Variants in AGTPBP1 observed in about 807,000 individuals in gnomAD.
AGTPBP1 encodes the protein ATP/GTP binding carboxypeptidase 1.
In AGTPBP1, 70 loss-of-function variants were observed where a neutral mutation model predicts 143.9. That is an observed-to-expected ratio of 0.49 (90% CI 0.40 to 0.59). The LOEUF is 0.59. Ranked by LOEUF, AGTPBP1 falls within the 20% of genes least tolerant of loss-of-function variation. AGTPBP1 has a pLI of 0.00. For missense variants in AGTPBP1, 1,229 were observed against 1,464.5 expected, an observed-to-expected ratio of 0.84 and a Z score of 2.62; for synonymous variants, 463 against 500.2, an observed-to-expected ratio of 0.93 and a Z score of 0.99.
the AGTPBP1 span, among the ~76,000 whole-genome samples, chr9:85,772,583 C>T: frequency 1.3e-4 from 20 of 152,004 alleles, no homozygotes; most frequent in African/African-American, 3.1e-4. Flanking sequence ...CCTGTCTCTA[C>T]GAAAAAATTT....
upstream of AGTPBP1, among the ~76,000 whole-genome samples, chr9:85,744,557 G>A (rs1588024338): frequency 6.6e-6 from 1 of 152,272 alleles, no homozygotes; most frequent in East Asian, 1.9e-4. Context: ...TTAAGCAAAA[G>A]GAAAGCTCTC....
intron 3 of AGTPBP1, among the ~76,000 whole-genome samples, chr9:85,686,246 G>C (rs1835479719): frequency 6.6e-6 from 1 of 151,376 alleles, no homozygotes; most frequent in Non-Finnish European, 1.5e-5. Context: ...AAAAAGGCTG[G>C]GAGTAAAAGA....
chr9:85,685,935 A>G (rs1835459812), intron 3 of AGTPBP1, among the ~76,000 whole-genome samples: 1 of 152,112 alleles, frequency 6.6e-6, no homozygotes, highest in Admixed American at 6.5e-5. Flanking sequence ...CAATATTCAA[A>G]GAAATTACTT....
At chr9:85,777,744 T>C in the AGTPBP1 span, among the ~76,000 whole-genome samples, 6 of 152,250 alleles carry the variant, frequency 3.9e-5, no homozygotes, top group Non-Finnish European at 7.3e-5. Context: ...CTTCCAATCA[T>C]GCTTCTTCCA....
intron 11 of AGTPBP1, 141 bp downstream of exon 11, chr9:85,655,002 T>C: frequency 2.7e-6 from 2 of 751,938 alleles, no homozygotes; most frequent in South Asian, 5.5e-5. Context: ...AAAGAAATGC[T>C]TAACTAAAAT....
At chr9:85,686,722 T>C (rs1308481648) in intron 3 of AGTPBP1, among the ~76,000 whole-genome samples, 1 of 152,074 alleles carries the variant, frequency 6.6e-6, no homozygotes, top group African/African-American at 2.4e-5. Context: ...ATATGGGAAG[T>C]TTTGATATTG....
chr9:85,615,253 C>A (rs1825403568), intron 17 of AGTPBP1, among the ~76,000 whole-genome samples: 1 of 152,110 alleles, frequency 6.6e-6, no homozygotes, highest in African/African-American at 2.4e-5. Context: ...TTCACCAGCA[C>A]TGTAGTACCC....
intron 25 of AGTPBP1, among the ~76,000 whole-genome samples, chr9:85,566,197 C>G (rs2132916840): frequency 6.6e-6 from 1 of 152,064 alleles, no homozygotes; most frequent in East Asian, 1.9e-4. Flanking sequence ...GTTAGCCAGG[C>G]AAAGTGTGAG....
chr9:85,575,365 G>A lies in AGTPBP1; in HGVS notation c.3453C>T (p.Ser1151=). The change falls in exon 25 of 26, where the codon AGC becomes AGT. Residue 1151 remains serine (S), a synonymous_variant. Coordinates refer to ENST00000357081, the MANE Select transcript of AGTPBP1 (RefSeq NM_001330701.2). ...TTAAATCATTTTCAAAGTCAAGCAGGCTGGAAGGCAGATTATACTCCAATG... is the reference window on the plus strand; with the variant it reads ...TTAAATCATTTTCAAAGTCAAGCAGACTGGAAGGCAGATTATACTCCAATG... ...TSPLEYNLPS[S]LLDFENDLIE... The A allele has an allele frequency of 6.2e-7, 1 of 1,604,810 alleles. No homozygotes were observed. The highest frequency in any genetic ancestry group is 8.5e-7 in the Non-Finnish European group (1 of 1,177,278).
intron 14 of AGTPBP1, among the ~76,000 whole-genome samples, chr9:85,622,184 G>T (rs1398093047): frequency 6.6e-6 from 1 of 152,136 alleles, no homozygotes; most frequent in African/African-American, 2.4e-5. Context: ...TTTCAAGTTT[G>T]TTCATTTCAG....
intron 8 of AGTPBP1, among the ~76,000 whole-genome samples, chr9:85,662,518 T>C (rs1833907886): frequency 6.6e-6 from 1 of 152,140 alleles, no homozygotes; most frequent in Non-Finnish European, 1.5e-5. Flanking sequence ...GCTTTTAAAT[T>C]GGTCAAAATT....
intron 9 of AGTPBP1, 49 bp downstream of exon 9, chr9:85,660,887 G>C: frequency 7.7e-7 from 1 of 1,301,468 alleles, no homozygotes; most frequent in East Asian, 2.6e-5. Context: ...ATAATAAATA[G>C]AATTCTCAGA....
chr9:85,604,428 GC>G, intron 17 of AGTPBP1, among the ~76,000 whole-genome samples: 1 of 152,286 alleles, frequency 6.6e-6, no homozygotes, highest in South Asian at 2.1e-4. Flanking sequence ...CCCCCCTAAT[GC>G]AGATATGGCT....
At chr9:85,623,945 T>A (rs1831111842) in intron 14 of AGTPBP1, among the ~76,000 whole-genome samples, 1 of 152,172 alleles carries the variant, frequency 6.6e-6, no homozygotes, top group African/African-American at 2.4e-5. Flanking sequence ...CTTACTGCCA[T>A]TCAACATTTA....
the AGTPBP1 span, among the ~76,000 whole-genome samples, chr9:85,757,095 A>T: frequency 1.3e-5 from 2 of 151,858 alleles, no homozygotes; most frequent in African/African-American, 2.4e-5. Context: ...CTTTATTATT[A>T]TTTTTTATTT....
At chr9:85,687,514 G>A (rs906149259) in intron 3 of AGTPBP1, among the ~76,000 whole-genome samples, 2 of 151,752 alleles carry the variant, frequency 1.3e-5, no homozygotes, top group African/African-American at 4.8e-5. Flanking sequence ...ATCAATCAAA[G>A]TATATTCTCC....
intron 25 of AGTPBP1, among the ~76,000 whole-genome samples, chr9:85,562,582 A>C (rs1826811578): frequency 6.6e-6 from 1 of 152,180 alleles, no homozygotes; most frequent in East Asian, 1.9e-4. Context: ...CTAATCTTTA[A>C]ATCTCCATTG....
In AGTPBP1 at chr9:85,660,946, C is replaced by A. The variant is rs1332514629; in HGVS notation, c.690G>T (p.Leu230Phe). The stretch of plus-strand genomic sequence containing the variant: ...TATTTAAAAACTTACTTGATTTTAG[C>A]AATGCAGCAAGAGTGTCTAAAGCAA... ...IKVALDTLAA[L>F]LKSKTNARRA... Residue 230 changes from leucine to phenylalanine, a missense_variant, in exon 9 of 26, where the codon TTG becomes TTT. Coordinates refer to ENST00000357081, the MANE Select transcript of AGTPBP1 (RefSeq NM_001330701.2). 2.5e-6 allele frequency: 4 copies of A among 1,587,610 alleles called. No individual in the cohort carries two copies. The highest frequency in any genetic ancestry group is 3.4e-6 in the Non-Finnish European group (4 of 1,169,296).
At chr9:85,636,395 T>C (rs956644978) in intron 13 of AGTPBP1, among the ~76,000 whole-genome samples, 1 of 151,652 alleles carries the variant, frequency 6.6e-6, no homozygotes, top group Non-Finnish European at 1.5e-5. Context: ...CCCGAGTAGC[T>C]AGGATTACAG....
Sources: gnomAD v4.1 joint callset for allele counts (sites outside exome capture counted in the v4.1 genomes callset) on GRCh38, gnomAD v4.1.1 for gene constraint, MANE v1.5 for transcripts, NCBI Gene and HGNC (gene_info 2026-07-23, HGNC 2026-07-21) for gene names.